Variants in ANO1 observed in about 807,000 individuals in gnomAD.
The protein encoded by ANO1 is anoctamin-1.
A neutral mutation model predicts 124.0 loss-of-function variants in ANO1; 59 were observed. The ratio of observed to expected loss-of-function variants is 0.48; its 90% confidence interval spans 0.39 to 0.59. The LOEUF is 0.59. Ranked by LOEUF, ANO1 falls within the 20% of genes least tolerant of loss-of-function variation. ANO1 has a pLI of 0.00. For missense variants in ANO1, 1,059 were observed against 1,328.0 expected, an observed-to-expected ratio of 0.80 and a Z score of 3.15; for synonymous variants, 529 against 532.0, an observed-to-expected ratio of 0.99 and a Z score of 0.08.
intron 24 of ANO1, among the ~76,000 whole-genome samples, chr11:70,184,288 C>T (rs2049028771): frequency 6.6e-6 from 1 of 152,204 alleles, no homozygotes; most frequent in South Asian, 2.1e-4. Context: ...GAGACCTCAC[C>T]CTGCCCCCAC....
Position 70,085,273 on chromosome 11 carries a change from G to A in ANO1, c.109-2479G>A, listed in dbSNP as rs1160348233. On this transcript the variant is annotated intron_variant, in intron 1 of 25. Transcript: ENST00000355303. Reference sequence around the variant, plus strand: ...GTGAACCCCGTCCTTCATGGGGCTGGGCATGGGAACCCACTGCCCTCAAAA... The same window carrying A: ...GTGAACCCCGTCCTTCATGGGGCTGAGCATGGGAACCCACTGCCCTCAAAA... 5.9e-6 allele frequency: 6 copies of A among 1,024,154 alleles called. No homozygotes were observed. In the African/African-American group the frequency reaches 9.8e-5, roughly 17 times the overall value. The allele number at this position is 1,024,154 out of a possible 1,614,324, so 63.4% of individuals were successfully genotyped here.
the ANO1 span, among the ~76,000 whole-genome samples, chr11:69,979,213 G>A: frequency 6.6e-6 from 1 of 152,212 alleles, no homozygotes; most frequent in Non-Finnish European, 1.5e-5. Flanking sequence ...AGGGACTAAA[G>A]ATGAGCTTTT....
At chr11:70,015,288 C>T (rs1318623876) in intron 1 of ANO1, 1 of 152,194 alleles carries the variant, frequency 6.6e-6, no homozygotes, top group African/African-American at 2.4e-5. Context: ...TTTCCCTCCT[C>T]TTTGGGCCCA....
chr11:69,969,919 C>T, the ANO1 span, among the ~76,000 whole-genome samples: 1 of 152,070 alleles, frequency 6.6e-6, no homozygotes, highest in African/African-American at 2.4e-5. Flanking sequence ...TGCACTCCAG[C>T]CTGGACAACA....
intron 11 of ANO1, among the ~76,000 whole-genome samples, chr11:70,134,663 C>T (rs1445989247): frequency 6.6e-6 from 1 of 152,100 alleles, no homozygotes; most frequent in Non-Finnish European, 1.5e-5. Context: ...GTACTGAGCA[C>T]ATGTGTCCCA....
chr11:70,165,600 A>T, intron 20 of ANO1, 30 bp downstream of exon 20: 1 of 1,583,484 alleles, frequency 6.3e-7, no homozygotes, highest in Non-Finnish European at 8.6e-7. Flanking sequence ...TTAGAGCGGC[A>T]GGGGCGGGGC....
chr11:70,173,342 C>G (rs77177430), intron 22 of ANO1, among the ~76,000 whole-genome samples: 7 of 152,244 alleles, frequency 4.6e-5, no homozygotes, highest in African/African-American at 1.4e-4. Context: ...CTTTTGCTTC[C>G]CTACATCACC....
At chr11:70,077,251 T>C (rs1168557943), upstream of ANO1, among the ~76,000 whole-genome samples, 2 of 152,036 alleles carry the variant, frequency 1.3e-5, no homozygotes, top group East Asian at 3.9e-4. Flanking sequence ...ATAAATGAAG[T>C]GCTAGTTGGG....
intron 7 of ANO1, among the ~76,000 whole-genome samples, chr11:70,113,229 C>T (rs1175050572): frequency 6.6e-6 from 1 of 152,104 alleles, no homozygotes; most frequent in African/African-American, 2.4e-5. Flanking sequence ...TCAGATGGTC[C>T]CTGTCCTGCA....
At chr11:70,122,879 T>A (rs1370471843) in intron 8 of ANO1, among the ~76,000 whole-genome samples, 2 of 152,232 alleles carry the variant, frequency 1.3e-5, no homozygotes, top group Non-Finnish European at 2.9e-5. Context: ...CTGCCCAGGT[T>A]AGCGATGGCT....
chr11:70,000,078 T>C (rs1265573259), intron 1 of ANO1, among the ~76,000 whole-genome samples: 1 of 152,226 alleles, frequency 6.6e-6, no homozygotes, highest in East Asian at 1.9e-4. Flanking sequence ...CCCAGGGGAA[T>C]TCCCATAAGA....
chr11:69,981,723 A>G (rs1855961472), upstream of ANO1, among the ~76,000 whole-genome samples: 1 of 152,158 alleles, frequency 6.6e-6, no homozygotes, highest in African/African-American at 2.4e-5. Context: ...GCCCCACCCC[A>G]GCCCCTGCAG....
chr11:69,997,910 CAGCCTGCGG>C (rs1565156919), intron 1 of ANO1, among the ~76,000 whole-genome samples: 1 of 152,196 alleles, frequency 6.6e-6, no homozygotes, highest in African/African-American at 2.4e-5. Flanking sequence ...GTTTCCTGTA[CAGCCTGCGG>C]AGCCATCAGC....
At chr11:70,019,043 G>A (rs1555002319) in intron 1 of ANO1, among the ~76,000 whole-genome samples, 1 of 152,244 alleles carries the variant, frequency 6.6e-6, no homozygotes, top group Non-Finnish European at 1.5e-5. Flanking sequence ...GCGGAGGGGG[G>A]CCTGTCCTCA....
chr11:70,116,437 C>A (rs974336769), intron 7 of ANO1, 21 bp from the exon 8 acceptor site: 2 of 1,589,740 alleles, frequency 1.3e-6, no homozygotes, highest in South Asian at 1.1e-5. Flanking sequence ...TAAGAACGTC[C>A]CTTTCCTCTT....
chr11:69,978,112 C>G, the ANO1 span, among the ~76,000 whole-genome samples: 17 of 152,278 alleles, frequency 1.1e-4, no homozygotes, highest in African/African-American at 3.9e-4. Flanking sequence ...GGCCGGGACC[C>G]TGGGGACAAA....
rs752294187 is a variant in ANO1 at position 70,182,689 on chromosome 11, A to G, written c.2588+3A>G. The G allele has an allele frequency of 6.4e-7, 1 of 1,567,960 alleles. No homozygotes were observed. The highest frequency in any genetic ancestry group is 8.6e-7 in the Non-Finnish European group (1 of 1,156,496). On this transcript the variant is annotated splice_donor_region_variant and intron_variant, in intron 24 of 25. Transcript: ENST00000355303. ...GGCTACGAGGTGCAGATCTGCAGGT[A>G]CTGCTCTCTGCTCCCCTCTTTGAAA...
intron 2 of ANO1, among the ~76,000 whole-genome samples, chr11:70,092,401 C>T (rs2044669095): frequency 6.6e-6 from 1 of 152,212 alleles, no homozygotes; most frequent in South Asian, 2.1e-4. Context: ...CTGGAGTTGG[C>T]TGCCTTGGAT....
intron 1 of ANO1, among the ~76,000 whole-genome samples, chr11:70,039,316 G>A (rs73522238): frequency 0.012 from 1,774 of 152,208 alleles, 45 homozygotes; most frequent in African/African-American, 0.04. Flanking sequence ...GGACCCAAGA[G>A]CTTATTTTGA....
Sources: allele counts gnomAD v4.1 joint callset (sites outside exome capture counted in the v4.1 genomes callset), GRCh38; gene constraint gnomAD v4.1.1; transcripts MANE v1.5; gene names NCBI Gene and HGNC (gene_info 2026-07-23, HGNC 2026-07-21).